Variants in CREBL2 observed in about 807,000 individuals in gnomAD.
CREBL2 encodes the protein cAMP-responsive element-binding protein-like 2.
Under a neutral mutation model 19.5 loss-of-function variants are expected in CREBL2, and 4 were observed. The observed-to-expected ratio is 0.20, with a 90% CI of 0.10 to 0.47. The LOEUF (loss-of-function observed/expected upper bound fraction) is 0.47, where lower values mean the gene tolerates loss of function less well. Ranked by LOEUF, CREBL2 falls within the 20% of genes least tolerant of loss-of-function variation. The probability of loss-of-function intolerance (pLI) is 0.98; values close to 1 mark genes in which losing one functional copy is unlikely to be tolerated. For synonymous variants in CREBL2, 42 were observed against 46.6 expected, an observed-to-expected ratio of 0.90 and a Z score of 0.40; for missense variants, 85 against 145.1, an observed-to-expected ratio of 0.59 and a Z score of 2.13.
chr12:12,627,335 T>G (rs1026736038), intron 1 of CREBL2, among the ~76,000 whole-genome samples: 1 of 152,090 alleles, frequency 6.6e-6, no homozygotes, highest in Non-Finnish European at 1.5e-5. Context: ...CCTAAACAGC[T>G]GTAAAAAAAT....
At chr12:12,631,650 T>C (rs1425874947) in intron 1 of CREBL2, among the ~76,000 whole-genome samples, 1 of 152,244 alleles carries the variant, frequency 6.6e-6, no homozygotes, top group Non-Finnish European at 1.5e-5. Flanking sequence ...TTAGTGGGCT[T>C]GATTTCAGTT....
intron 1 of CREBL2, among the ~76,000 whole-genome samples, chr12:12,615,257 G>A (rs1349664445): frequency 4.6e-5 from 7 of 152,046 alleles, no homozygotes; most frequent in Admixed American, 4.6e-4. Context: ...TTGCCATGTT[G>A]GCCAGGCTGG....
At chr12:12,636,057 T>A in intron 2 of CREBL2, 83 bp downstream of exon 2, 1 of 1,275,750 alleles carries the variant, frequency 7.8e-7, no homozygotes, top group Non-Finnish European at 1.1e-6. Context: ...ATACCAGTTA[T>A]CACCTGTCCA....
rs1945553229 is a variant in CREBL2 at position 12,644,900 on chromosome 12, A to G, written c.*2902A>G. 6.6e-6 allele frequency: 1 copy of G among 152,232 alleles called. No homozygotes were observed. The highest frequency in any genetic ancestry group is 2.4e-5 in the African/African-American group (1 of 41,466). The allele number at this position is 152,232 out of a possible 1,614,324, so 9.4% of individuals were successfully genotyped here. On this transcript the variant is annotated 3_prime_UTR_variant, in exon 4 of 4. Coordinates refer to ENST00000228865, the MANE Select transcript of CREBL2 (RefSeq NM_001310.4). Reference sequence around the variant, plus strand: ...TTATATTTCACAAGAAATCAGTTGCATATTATCCATTACATATTTAGTTTT... The same window carrying G: ...TTATATTTCACAAGAAATCAGTTGCGTATTATCCATTACATATTTAGTTTT...
At chr12:12,633,299 C>T (rs1370977278) in intron 1 of CREBL2, among the ~76,000 whole-genome samples, 1 of 151,798 alleles carries the variant, frequency 6.6e-6, no homozygotes, top group Non-Finnish European at 1.5e-5. Flanking sequence ...TGGATCACCT[C>T]AGGTGGGCAC....
At chr12:12,619,443 A>C (rs1945342996) in intron 1 of CREBL2, among the ~76,000 whole-genome samples, 1 of 152,074 alleles carries the variant, frequency 6.6e-6, no homozygotes, top group South Asian at 2.1e-4. Flanking sequence ...CCATCTCTTC[A>C]AAAAATATAA....
chr12:12,641,350 C>G (rs886070096), intron 3 of CREBL2, among the ~76,000 whole-genome samples: 2 of 148,170 alleles, frequency 1.3e-5, no homozygotes, highest in African/African-American at 5.0e-5. Context: ...CTCTGTCACC[C>G]AGGCTGGAGT....
chr12:12,613,406 CTTTG>C (rs767877140), intron 1 of CREBL2, among the ~76,000 whole-genome samples: 37 of 152,240 alleles, frequency 2.4e-4, no homozygotes, highest in Middle Eastern at 3.4e-3. Flanking sequence ...TAGCTTTGTC[CTTTG>C]TTTGGGTGTC....
intron 1 of CREBL2, among the ~76,000 whole-genome samples, chr12:12,617,385 C>T (rs1018397142): frequency 6.6e-6 from 1 of 152,106 alleles, no homozygotes; most frequent in Non-Finnish European, 1.5e-5. Context: ...CTGAGTAGAT[C>T]TCCTACTAGG....
intron 3 of CREBL2, among the ~76,000 whole-genome samples, chr12:12,638,415 C>G (rs756375379): frequency 1.7e-4 from 26 of 151,768 alleles, no homozygotes; most frequent in Non-Finnish European, 3.1e-4. Context: ...CCAGCCTGGG[C>G]GACAGAGTGA....
In CREBL2 at chr12:12,625,203, C is replaced by G. The variant is rs78602048; in HGVS notation, c.16-10574C>G. Among the ~76,000 whole-genome samples, 3 of 152,242 alleles carry G rather than the reference C, an allele frequency of 2.0e-5. No individual in the cohort carries two copies. In the East Asian group the frequency reaches 5.8e-4, roughly 29 times the overall value. On this transcript the variant is annotated intron_variant, in intron 1 of 3. Coordinates refer to ENST00000228865, the MANE Select transcript of CREBL2 (RefSeq NM_001310.4). Reference sequence around the variant, plus strand: ...TTTTGGGCCGTCATTTCAGGCTTTTCGGCTTGAGGATGGGGTTTTGTCGGG... The same window carrying G: ...TTTTGGGCCGTCATTTCAGGCTTTTGGGCTTGAGGATGGGGTTTTGTCGGG...
chr12:12,630,962 C>T (rs764541337), intron 1 of CREBL2, among the ~76,000 whole-genome samples: 7 of 152,108 alleles, frequency 4.6e-5, no homozygotes, highest in Non-Finnish European at 1.0e-4. Flanking sequence ...TTATTAAATA[C>T]TGATTACCAG....
At chr12:12,625,739 C>T (rs1447827012) in intron 1 of CREBL2, among the ~76,000 whole-genome samples, 4 of 152,186 alleles carry the variant, frequency 2.6e-5, no homozygotes, top group African/African-American at 7.2e-5. Context: ...ATACACATCC[C>T]TCCACCACCA....
intron 1 of CREBL2, among the ~76,000 whole-genome samples, chr12:12,623,093 C>A (rs1405481195): frequency 8.2e-6 from 1 of 121,398 alleles, no homozygotes; most frequent in African/African-American, 2.9e-5. Context: ...TTCTTTGTAA[C>A]AACTTCTTTT....
intron 1 of CREBL2, among the ~76,000 whole-genome samples, chr12:12,632,920 A>G (rs966887363): frequency 1.3e-5 from 2 of 149,774 alleles, no homozygotes; most frequent in South Asian, 2.1e-4. Flanking sequence ...AATTTTTTTA[A>G]TTTTTATTTT....
rs1945549590 is a variant in CREBL2 at position 12,644,483 on chromosome 12, C to G, written c.*2485C>G. ...AGAGTAATGTTTTTTTTCTTATTTT[C>G]CCAAAGAAAGAAAAGGGGGAAAATA... On this transcript the variant is annotated 3_prime_UTR_variant, in exon 4 of 4. Transcript: ENST00000228865. 6.6e-6 allele frequency: 1 copy of G among 152,314 alleles called. No homozygotes were observed. Among genetic ancestry groups the G allele is most frequent in the African/African-American group, 2.4e-5 (1 of 41,344 alleles). 9.4% of individuals were successfully genotyped at this position (152,314 alleles called of 1,614,324 possible).
rs1046962698 is a variant in CREBL2 at position 12,642,994 on chromosome 12, A to G, written c.*996A>G. ...AGTTTCTGCCTTAAAATCTGAAACAAAAAAAGGGACAAATTGCTGGTAGAT... is the reference window on the plus strand; with the variant it reads ...AGTTTCTGCCTTAAAATCTGAAACAGAAAAAGGGACAAATTGCTGGTAGAT... On this transcript the variant is annotated 3_prime_UTR_variant, in exon 4 of 4. Transcript: ENST00000228865. 6.6e-6 allele frequency: 1 copy of G among 152,644 alleles called. No individual in the cohort carries two copies. Among genetic ancestry groups the G allele is most frequent in the Non-Finnish European group, 1.5e-5 (1 of 68,024 alleles). The allele number at this position is 152,644 out of a possible 1,614,324, so 9.5% of individuals were successfully genotyped here. A position where few individuals can be genotyped will look rare whatever the true frequency, so the allele number is the denominator to read the frequency against.
intron 1 of CREBL2, among the ~76,000 whole-genome samples, chr12:12,619,012 A>G (rs1051651209): frequency 3.3e-5 from 5 of 152,076 alleles, no homozygotes; most frequent in Non-Finnish European, 2.9e-5. Context: ...TCAGCTGGGC[A>G]TCAGAGGGAG....
chr12:12,641,977 TA>T lies in CREBL2; in HGVS notation c.359-15del. 6.5e-7 allele frequency: 1 copy of T among 1,533,776 alleles called. No homozygotes were observed. Among genetic ancestry groups the T allele is most frequent in the Non-Finnish European group, 9.0e-7 (1 of 1,114,084 alleles). On this transcript the variant is annotated splice_polypyrimidine_tract_variant and intron_variant, in intron 3 of 3. Transcript: ENST00000228865. ...GACTCTAAAAACATTCTTACATTGG[TA>T]ACTTTTATTTTTCAGGGTGAAGATT...
Sources: gnomAD v4.1 joint callset for allele counts (sites outside exome capture counted in the v4.1 genomes callset) on GRCh38, gnomAD v4.1.1 for gene constraint, MANE v1.5 for transcripts, NCBI Gene and HGNC (gene_info 2026-07-23, HGNC 2026-07-21) for gene names.